Variants in FAT3 observed in about 807,000 individuals in gnomAD.
FAT3 encodes the protein protocadherin Fat 3.
In FAT3, 95 loss-of-function variants were observed where a neutral mutation model predicts 310.2. The ratio of observed to expected loss-of-function variants is 0.31; its 90% CI spans 0.26 to 0.36. FAT3 has a LOEUF of 0.36. FAT3 is among the 10% of genes least tolerant of loss of function. The probability of loss-of-function intolerance (pLI) is 1.00; values close to 1 mark genes in which losing one functional copy is unlikely to be tolerated. For synonymous variants in FAT3, 2,314 were observed against 2,192.9 expected, an observed-to-expected ratio of 1.06 and a Z score of -1.54; for missense variants, 5,408 against 5,715.6, an observed-to-expected ratio of 0.95 and a Z score of 1.74.
intron 1 of FAT3, among the ~76,000 whole-genome samples, chr11:92,322,190 A>C (rs1396882082): frequency 6.6e-6 from 1 of 152,234 alleles, no homozygotes; most frequent in African/African-American, 2.4e-5. Flanking sequence ...AAATAAAGCA[A>C]ATCATGCAAA....
intron 1 of FAT3, among the ~76,000 whole-genome samples, chr11:92,287,642 G>T (rs1055813650): frequency 7.9e-5 from 12 of 152,204 alleles, no homozygotes; most frequent in Admixed American, 2.6e-4. Context: ...AATTGGTCAG[G>T]ATCTCCCCTC....
chr11:92,342,058 C>A (rs192512935), intron 1 of FAT3, among the ~76,000 whole-genome samples: 31 of 152,278 alleles, frequency 2.0e-4, no homozygotes, highest in African/African-American at 5.8e-4. Flanking sequence ...AATAGACAAG[C>A]ACTTACAAAA....
intron 1 of FAT3, among the ~76,000 whole-genome samples, chr11:92,343,594 T>C (rs1948329866): frequency 6.6e-6 from 1 of 152,258 alleles, no homozygotes; most frequent in Non-Finnish European, 1.5e-5. Context: ...AAGATTCTTC[T>C]CTTCGTGTTA....
intron 1 of FAT3, among the ~76,000 whole-genome samples, chr11:92,232,943 C>T (rs1864251555): frequency 6.6e-6 from 1 of 152,180 alleles, no homozygotes; most frequent in Non-Finnish European, 1.5e-5. Context: ...ACATCTCTCT[C>T]AGTTTTTCAG....
At chr11:92,237,334 C>A (rs1864472536) in intron 1 of FAT3, among the ~76,000 whole-genome samples, 1 of 152,116 alleles carries the variant, frequency 6.6e-6, no homozygotes, top group Admixed American at 6.5e-5. Flanking sequence ...TCGATGTTAC[C>A]ATTCAACTGG....
At chr11:92,874,907 C>T (rs954377963) in intron 22 of FAT3, among the ~76,000 whole-genome samples, 1 of 152,044 alleles carries the variant, frequency 6.6e-6, no homozygotes, top group African/African-American at 2.4e-5. Context: ...TTAATGAGAC[C>T]TCTTCTTTTT....
chr11:92,705,888 TGTGATGGTGGTG>T (rs1944323919), intron 4 of FAT3, among the ~76,000 whole-genome samples: 8 of 103,240 alleles, frequency 7.7e-5, no homozygotes, highest in African/African-American at 2.5e-4. Context: ...GTGGTGGTGG[TGTGATGGTGGTG>T]GTGATGGTGG....
intron 1 of FAT3, among the ~76,000 whole-genome samples, chr11:92,318,545 T>G (rs1387785854): frequency 6.6e-6 from 1 of 152,170 alleles, no homozygotes; most frequent in Non-Finnish European, 1.5e-5. Context: ...TAATTACTTA[T>G]TTCCCCTTTG....
At chr11:92,718,493 C>G (rs1944757738) in intron 4 of FAT3, among the ~76,000 whole-genome samples, 1 of 152,048 alleles carries the variant, frequency 6.6e-6, no homozygotes, top group African/African-American at 2.4e-5. Flanking sequence ...GTGGAGCAGA[C>G]AGGGACAGGA....
chr11:92,369,861 C>CAA (rs142198413), intron 2 of FAT3, among the ~76,000 whole-genome samples: 5 of 151,732 alleles, frequency 3.3e-5, no homozygotes, highest in African/African-American at 9.7e-5. Flanking sequence ...AAAAAACAAA[C>CAA]AAAAAAAACT....
intron 1 of FAT3, among the ~76,000 whole-genome samples, chr11:92,340,218 T>C (rs1591133898): frequency 6.6e-6 from 1 of 151,798 alleles, no homozygotes; most frequent in African/African-American, 2.4e-5. Context: ...GGGAAAGGCA[T>C]TGAAGTGTTT....
intron 2 of FAT3, among the ~76,000 whole-genome samples, chr11:92,429,096 C>G (rs955214030): frequency 6.6e-6 from 1 of 152,168 alleles, no homozygotes; most frequent in Non-Finnish European, 1.5e-5. Context: ...GGATAATTAG[C>G]TCTTCTTGCT....
At chr11:92,528,379 C>T (rs1185718260) in intron 3 of FAT3, among the ~76,000 whole-genome samples, 1 of 152,184 alleles carries the variant, frequency 6.6e-6, no homozygotes, top group Non-Finnish European at 1.5e-5. Context: ...TGTTCACTTG[C>T]CTCTTTGGGT....
At chr11:92,853,773 G>A (rs548458591) in intron 19 of FAT3, among the ~76,000 whole-genome samples, 37 of 152,302 alleles carry the variant, frequency 2.4e-4, no homozygotes, top group Admixed American at 2.4e-3. Context: ...AGTCTGGCAG[G>A]ATCCAGGGTT....
In FAT3 at chr11:92,891,085, T is replaced by A; in HGVS notation, c.13742T>A (p.Val4581Glu). 6.2e-7 allele frequency: 1 copy of A among 1,613,700 alleles called. No individual in the cohort carries two copies. The highest frequency in any genetic ancestry group is 8.5e-7 in the Non-Finnish European group (1 of 1,179,818). The change falls in exon 28 of 28, where the codon GTG (valine) becomes GAG (glutamate). Residue 4581 changes from valine to glutamate, a missense_variant. Transcript: ENST00000525166. ...CTCGCCAGCCTTCACATTCCCTTTG[T>A]GGAGACTCAGCATCAGACTCAAGTG... ...LSLASLHIPFVETQHQTQV is the reference protein window; with the variant it reads ...LSLASLHIPFEETQHQTQV
chr11:92,412,831 A>G (rs1950326386), intron 2 of FAT3, among the ~76,000 whole-genome samples: 1 of 149,858 alleles, frequency 6.7e-6, no homozygotes, highest in Admixed American at 6.7e-5. Flanking sequence ...AGAGGTAAGC[A>G]GAGATTTCCC....
At chr11:92,801,982 G>A in intron 10 of FAT3, 73 bp downstream of exon 10, 3 of 1,413,590 alleles carry the variant, frequency 2.1e-6, no homozygotes, top group Non-Finnish European at 2.9e-6. Context: ...GGGGAGAAGA[G>A]TAAGAGAGAA....
At chr11:92,364,546 ATATT>A (rs1295330070) in intron 2 of FAT3, among the ~76,000 whole-genome samples, 1 of 152,228 alleles carries the variant, frequency 6.6e-6, no homozygotes, top group Non-Finnish European at 1.5e-5. Flanking sequence ...AGTTTGATAA[ATATT>A]TATGTGATGC....
Position 92,798,681 on chromosome 11 carries a change from A to T in FAT3, c.5668A>T (p.Thr1890Ser). 6.2e-7 allele frequency: 1 copy of T among 1,613,692 alleles called. No individual in the cohort carries two copies. The highest frequency in any genetic ancestry group is 1.7e-4 in the Middle Eastern group (1 of 6,060). ...TGTTTTTACTCAGGCTGTGTTTGAGACTATCTTACTTCTACCTACCTATGT... is the reference window on the plus strand; with the variant it reads ...TGTTTTTACTCAGGCTGTGTTTGAGTCTATCTTACTTCTACCTACCTATGT... Reference protein sequence around the residue: ...PPVFTQAVFETILLLPTYVGV... With the variant: ...PPVFTQAVFESILLLPTYVGV... The change falls in exon 10 of 28, where the codon ACT (threonine) becomes TCT (serine). Residue 1890 changes from threonine (T) to serine (S), a missense_variant. Around this residue, in one of 5 missense-constraint regions of FAT3, gnomAD observed 4,588 missense variants for 4,809.8 expected, o/e 0.95. Coordinates refer to ENST00000525166, the MANE Select transcript of FAT3 (RefSeq NM_001367949.2).
Sources: gnomAD v4.1 joint callset for allele counts (sites outside exome capture counted in the v4.1 genomes callset) on GRCh38, gnomAD v4.1.1 for gene constraint, gnomAD v4.1.1 regional missense constraint, MANE v1.5 for transcripts, NCBI Gene and HGNC (gene_info 2026-07-23, HGNC 2026-07-21) for gene names.